Variants in SUGCT observed in about 807,000 individuals in gnomAD.
SUGCT encodes succinyl-CoA:glutarate CoA-transferase.
Under a neutral mutation model 55.0 loss-of-function variants are expected in SUGCT, and 41 were observed. The ratio of observed to expected loss-of-function variants is 0.74; its 90% CI spans 0.58 to 0.97. The LOEUF is 0.97. SUGCT is among the 50% of genes least tolerant of loss of function. SUGCT has a pLI of 0.00. For missense variants in SUGCT, 568 were observed against 547.8 expected (o/e 1.04, Z -0.37); for synonymous variants, 187 against 200.4 (o/e 0.93, Z 0.56).
At chr7:40,436,192 C>G (rs927312712) in intron 9 of SUGCT, among the ~76,000 whole-genome samples, 1 of 152,102 alleles carries the variant, frequency 6.6e-6, no homozygotes, top group Admixed American at 6.6e-5. Flanking sequence ...ATCCTCCCAC[C>G]TCTGCCTCCC....
At chr7:40,657,585 G>A (rs113276867) in intron 12 of SUGCT, among the ~76,000 whole-genome samples, 2,361 of 151,962 alleles carry the variant, frequency 0.016, 49 homozygotes, top group African/African-American at 0.051. Context: ...CCCGGGCTGG[G>A]GTGCAATGGC....
At chr7:40,197,203 C>T (rs1279386633) in intron 6 of SUGCT, among the ~76,000 whole-genome samples, 3 of 152,070 alleles carry the variant, frequency 2.0e-5, no homozygotes, top group African/African-American at 2.4e-5. Flanking sequence ...CACTAGATCT[C>T]ACTTTTTAAA....
intron 12 of SUGCT, among the ~76,000 whole-genome samples, chr7:40,662,133 G>A (rs1205586367): frequency 6.6e-6 from 1 of 152,214 alleles, no homozygotes; most frequent in African/African-American, 2.4e-5. Context: ...ACTTTCTTAA[G>A]CTAACATCCA....
rs192439748 is a variant in SUGCT, at chr7:40,245,885, C to G, written c.576+8159C>G. On this transcript the variant is annotated intron_variant, in intron 7 of 13. Transcript: ENST00000335693. ...AACATTACAAGTCTTGCTCTGTTGC[C>G]CAGGCTGGAGTGCAGTGGTGCGATT... Among the ~76,000 whole-genome samples, 23 of 152,102 alleles carry G rather than the reference C, an allele frequency of 1.5e-4. No individual in the cohort carries two copies. The East Asian group carries it at 4.4e-3, about 29-fold the overall frequency.
chr7:40,602,478 T>C (rs1389556770), intron 12 of SUGCT, among the ~76,000 whole-genome samples: 1 of 152,128 alleles, frequency 6.6e-6, no homozygotes, highest in African/African-American at 2.4e-5. Context: ...TGATCACAGG[T>C]TCACATTATT....
intron 13 of SUGCT, among the ~76,000 whole-genome samples, chr7:40,749,817 C>A (rs1264807819): frequency 7.9e-5 from 12 of 152,070 alleles, no homozygotes; most frequent in Admixed American, 7.9e-4. Context: ...ATAGGTATGG[C>A]CAATAACAAG....
At chr7:40,535,051 C>A (rs1015935205) in intron 12 of SUGCT, among the ~76,000 whole-genome samples, 74 of 152,034 alleles carry the variant, frequency 4.9e-4, no homozygotes, top group African/African-American at 1.7e-3. Flanking sequence ...AATATAATAT[C>A]TTCATTATCA....
intron 12 of SUGCT, among the ~76,000 whole-genome samples, chr7:40,657,652 A>C (rs908661977): frequency 5.3e-5 from 8 of 151,788 alleles, no homozygotes; most frequent in Non-Finnish European, 1.0e-4. Flanking sequence ...CTCCTGCCTC[A>C]GCCTCCCAAG....
chr7:40,937,420 C>T, the SUGCT span, among the ~76,000 whole-genome samples: 1 of 152,166 alleles, frequency 6.6e-6, no homozygotes, highest in Non-Finnish European at 1.5e-5. Flanking sequence ...ATCCACCTGC[C>T]TTGGCCTCGC....
At chr7:40,186,858 A>G (rs1785545153) in intron 3 of SUGCT, among the ~76,000 whole-genome samples, 1 of 152,216 alleles carries the variant, frequency 6.6e-6, no homozygotes, top group Non-Finnish European at 1.5e-5. Context: ...GTTGGTGCTC[A>G]TTAAATATTT....
intron 8 of SUGCT, among the ~76,000 whole-genome samples, chr7:40,294,638 TCA>T (rs1794003896): frequency 1.3e-5 from 2 of 152,154 alleles, no homozygotes; most frequent in South Asian, 4.1e-4. Flanking sequence ...CCTCCGCTTC[TCA>T]GGTTCAAGTG....
chr7:40,980,695 A>G, the SUGCT span, among the ~76,000 whole-genome samples: 1 of 152,154 alleles, frequency 6.6e-6, no homozygotes, highest in Non-Finnish European at 1.5e-5. Flanking sequence ...CTAGGAAGGC[A>G]AATACCATTA....
chr7:40,333,506 A>T, intron 9 of SUGCT, among the ~76,000 whole-genome samples: 1 of 150,414 alleles, frequency 6.6e-6, no homozygotes, highest in East Asian at 2.0e-4. Flanking sequence ...GTGTGGGGGC[A>T]TGGACCTGTA....
chr7:40,343,043 T>C (rs1249724555), intron 9 of SUGCT, among the ~76,000 whole-genome samples: 1 of 152,184 alleles, frequency 6.6e-6, no homozygotes, highest in Non-Finnish European at 1.5e-5. Flanking sequence ...AAGGTTTCTA[T>C]GTGAAGTAAT....
At chr7:40,773,565 A>G (rs1789294747) in intron 13 of SUGCT, among the ~76,000 whole-genome samples, 1 of 152,230 alleles carries the variant, frequency 6.6e-6, no homozygotes, top group African/African-American at 2.4e-5. Flanking sequence ...AATAAAATCA[A>G]TGTACATTTG....
In SUGCT at chr7:40,576,081, A is replaced by G. The variant is rs565834797; in HGVS notation, c.1089+79695A>G. 1.1e-4 allele frequency among the ~76,000 whole-genome samples: 16 copies of G among 152,302 alleles called. No homozygotes were observed. In the East Asian group the frequency reaches 1.9e-3, roughly 18 times the overall value. On this transcript the variant is annotated intron_variant, in intron 12 of 13. Coordinates refer to ENST00000335693, the MANE Select transcript of SUGCT (RefSeq NM_001193313.2). ...TTCACCGTTGCTCATGTTTGCATCT[A>G]TCAGTTAGTACTGAAAAGTAAAAGG...
the SUGCT span, among the ~76,000 whole-genome samples, chr7:40,903,616 A>C: frequency 6.6e-6 from 1 of 152,024 alleles, no homozygotes; most frequent in South Asian, 2.1e-4. Flanking sequence ...ACAACAACAA[A>C]AGCTTCATTT....
intron 13 of SUGCT, chr7:40,808,394 G>A (rs1791223474): frequency 6.6e-6 from 1 of 152,302 alleles, no homozygotes; most frequent in African/African-American, 2.4e-5. Flanking sequence ...ATTCAGCCAA[G>A]GCTGGATTAT....
chr7:40,737,505 CTTAA>C (rs1222344501), intron 12 of SUGCT, among the ~76,000 whole-genome samples: 5 of 151,902 alleles, frequency 3.3e-5, no homozygotes, highest in Non-Finnish European at 7.4e-5. Flanking sequence ...ATTGTTTTTA[CTTAA>C]TTAATAAACA....
Sources: gnomAD v4.1 joint callset for allele counts (sites outside exome capture counted in the v4.1 genomes callset) on GRCh38, gnomAD v4.1.1 for gene constraint, MANE v1.5 for transcripts, NCBI Gene and HGNC (gene_info 2026-07-23, HGNC 2026-07-21) for gene names.